MICAL1: variants seen among roughly 807,000 people sequenced by gnomAD.
MICAL1 encodes the protein [F-actin]-monooxygenase MICAL1.
A neutral mutation model predicts 131.8 loss-of-function variants in MICAL1; 95 were observed. The observed-to-expected ratio is 0.72, with a 90% CI of 0.61 to 0.86. The LOEUF (loss-of-function observed/expected upper bound fraction) is 0.86, where lower values mean the gene tolerates loss of function less well. Among genes scored for constraint, MICAL1 ranks in the 40% least tolerant of loss-of-function variants. The pLI, the probability that MICAL1 is intolerant of heterozygous loss-of-function variation, is 0.00. For missense variants in MICAL1, 1,292 were observed against 1,380.6 expected, an observed-to-expected ratio of 0.94 and a Z score of 1.02; for synonymous variants, 546 against 554.2, an observed-to-expected ratio of 0.99 and a Z score of 0.21.
intron 12 of MICAL1, 152 bp downstream of exon 12, chr6:109,448,580 G>A (rs1286035751): frequency 2.3e-6 from 3 of 1,326,416 alleles, no homozygotes; most frequent in Admixed American, 1.8e-5. Context: ...GGGGGCCTGT[G>A]CCATTCACAA....
chr6:109,463,736 G>GA (rs1221060519), intron 1 of MICAL1: 1 of 152,166 alleles, frequency 6.6e-6, no homozygotes, highest in African/African-American at 2.4e-5. Context: ...AGCTTAGTAT[G>GA]AAAAAGAGAA....
Position 109,444,720 on chromosome 6 carries a change from C to T in MICAL1, c.3055+5G>A. 4.3e-6 allele frequency: 7 copies of T among 1,614,104 alleles called. No homozygotes were observed. Among genetic ancestry groups the T allele is most frequent in the Non-Finnish European group, 5.9e-6 (7 of 1,180,022 alleles). On this transcript the variant is annotated splice_donor_5th_base_variant and intron_variant, in intron 24 of 24. Coordinates refer to ENST00000358807, the MANE Select transcript of MICAL1 (RefSeq NM_022765.4). The stretch of plus-strand genomic sequence containing the variant: ...TGTGTCTGCTTCTCCCCACATTTCA[C>T]CTACCTTCCCGGTTCATGTAGCCTC...
At chr6:109,461,432 CTAT>C (rs775663276) in intron 1 of MICAL1, among the ~76,000 whole-genome samples, 5 of 152,222 alleles carry the variant, frequency 3.3e-5, no homozygotes, top group Non-Finnish European at 7.4e-5. Context: ...ACTTTCACTA[CTAT>C]TGTTTTATGT....
At chr6:109,444,458 AT>A in intron 24 of MICAL1, 119 bp from the exon 25 acceptor site, 1 of 1,408,902 alleles carries the variant, frequency 7.1e-7, no homozygotes, top group South Asian at 1.3e-5. Context: ...AAGCTGCCAA[AT>A]TAGGAGGGTT....
At chr6:109,465,305 G>A (rs1776006490) in intron 1 of MICAL1, 2 of 270,650 alleles carry the variant, frequency 7.4e-6, no homozygotes, top group Non-Finnish European at 7.0e-6. Flanking sequence ...AAAACGTTGA[G>A]GGTTACTTTG....
In MICAL1 at chr6:109,451,719, G is replaced by A. The variant is rs762426115; in HGVS notation, c.833-19C>T. 6 of 1,613,194 alleles carry A rather than the reference G, an allele frequency of 3.7e-6. No individual in the cohort carries two copies. The highest frequency in any genetic ancestry group is 1.7e-5 in the Admixed American group (1 of 59,966). Reference sequence around the variant, plus strand: ...TCAATGCCTGGGGGTACAGGGCAGGGGACAGTAGATATGTCTCCTGATAAT... The same window carrying A: ...TCAATGCCTGGGGGTACAGGGCAGGAGACAGTAGATATGTCTCCTGATAAT... On this transcript the variant is annotated intron_variant, in intron 6 of 24. Coordinates refer to ENST00000358807, the MANE Select transcript of MICAL1 (RefSeq NM_022765.4).
chr6:109,452,220 G>A (rs1273278300), intron 6 of MICAL1, 26 bp downstream of exon 6: 1 of 1,596,180 alleles, frequency 6.3e-7, no homozygotes, highest in African/African-American at 1.3e-5. Flanking sequence ...CAGGGGGAGG[G>A]GAAATTCAGC....
intron 6 of MICAL1, 142 bp downstream of exon 6, chr6:109,452,104 G>A (rs1424911155): frequency 3.5e-6 from 5 of 1,444,880 alleles, no homozygotes; most frequent in East Asian, 2.4e-5. Flanking sequence ...TGAGGGGACA[G>A]GTTCCTTCTC....
intron 19 of MICAL1, 40 bp downstream of exon 19, chr6:109,446,096 T>G: frequency 8.4e-6 from 6 of 713,874 alleles, no homozygotes; most frequent in Non-Finnish European, 1.3e-5. Flanking sequence ...GCTCCCACCC[T>G]GTCCCACCCT....
At chr6:109,453,881 TGTCC>T (rs771913050) in intron 2 of MICAL1, 36 bp from the exon 3 acceptor site, 5 of 1,610,510 alleles carry the variant, frequency 3.1e-6, no homozygotes, top group Non-Finnish European at 4.2e-6. Flanking sequence ...CATGGCATCC[TGTCC>T]GTCCTCTGAC....
At chr6:109,460,891 A>C (rs1775870831) in intron 1 of MICAL1, among the ~76,000 whole-genome samples, 1 of 152,202 alleles carries the variant, frequency 6.6e-6, no homozygotes, top group Admixed American at 6.5e-5. Flanking sequence ...GCTCACTTAC[A>C]GAGGCTCCTG....
chr6:109,449,898 C>T, intron 9 of MICAL1, 72 bp downstream of exon 9: 1 of 1,591,686 alleles, frequency 6.3e-7, no homozygotes, highest in Non-Finnish European at 8.6e-7. Context: ...ATTCACTCAG[C>T]ACCCCTGCCC....
chr6:109,448,552 G>A (rs746906545), intron 12 of MICAL1, 159 bp from the exon 13 acceptor site: 79 of 1,248,892 alleles, frequency 6.3e-5, no homozygotes, highest in Non-Finnish European at 7.7e-5. Flanking sequence ...CCAACCCAGT[G>A]ACACTACTCC....
rs775223177 is a variant in MICAL1, at chr6:109,453,929, G to A, written c.258+10C>T. 3.7e-5 allele frequency: 59 copies of A among 1,611,888 alleles called. No homozygotes were observed. The highest frequency in any genetic ancestry group is 1.2e-4 in the African/African-American group (9 of 74,904). ...TGCTCCACACCCCATCCCAGGCACC[G>A]TGTATCCACCTTGGTGCTGGTGCAG... On this transcript the variant is annotated intron_variant, in intron 2 of 24. Coordinates refer to ENST00000358807, the MANE Select transcript of MICAL1 (RefSeq NM_022765.4).
chr6:109,460,100 A>ACAT (rs1775848899), upstream of MICAL1, among the ~76,000 whole-genome samples: 1 of 151,720 alleles, frequency 6.6e-6, no homozygotes, highest in Non-Finnish European at 1.5e-5. Flanking sequence ...TTTCAGACTC[A>ACAT]TAAAAAAGCT....
At chr6:109,462,861 A>T (rs1407142130) in intron 1 of MICAL1, 1 of 152,208 alleles carries the variant, frequency 6.6e-6, no homozygotes, top group Non-Finnish European at 1.5e-5. Context: ...TTTCTGTTAA[A>T]ACAATTTAAA....
Position 109,450,411 on chromosome 6 carries a change from A to T in MICAL1, c.1080T>A (p.Asp360Glu), listed in dbSNP as rs755564118. Residue 360 changes from aspartate (D) to glutamate (E), a missense_variant, in exon 8 of 25, where the codon GAT becomes GAA. By Grantham distance (45) the Asp-to-Glu change is conservative. Coordinates refer to ENST00000358807, the MANE Select transcript of MICAL1 (RefSeq NM_022765.4). ...EFAQDAHGQP[D>E]VSAFDFTSMM... ...TGCTCGTGAAGTCAAAGGCAGAGAC[A>T]TCAGGCTGCCCATGGGCATCCTGGG... 1 of 1,613,476 alleles carries T rather than the reference A, an allele frequency of 6.2e-7. No individual in the cohort carries two copies. Among genetic ancestry groups the T allele is most frequent in the African/African-American group, 1.3e-5 (1 of 74,942 alleles).
Position 109,448,097 on chromosome 6 carries a change from G to GACACAC in MICAL1, c.1855+100_1855+105dup, listed in dbSNP as rs377004839. 3.7e-3 allele frequency: 4,227 copies of GACACAC among 1,130,296 alleles called. 53 individuals are homozygous for GACACAC. The East Asian group carries it at 0.099, about 26-fold the overall frequency. The allele number at this position is 1,130,296 out of a possible 1,614,324, so 70.0% of individuals were successfully genotyped here. ...CAGAGGGCGCCTTCTTCCTCTTTCT[G>GACACAC]ACACACACACACACACACACCGCCT... On this transcript the variant is annotated intron_variant, in intron 13 of 24. Coordinates refer to ENST00000358807, the MANE Select transcript of MICAL1 (RefSeq NM_022765.4).
Position 109,452,360 on chromosome 6 carries a change from TG to T in MICAL1, c.717del (p.Ile240SerfsTer6). On this transcript the variant is annotated frameshift_variant, in exon 6 of 25. Transcript: ENST00000358807. LOFTEE classifies it high-confidence loss of function. ...VREMRGKLAIGITANFVNGRT... is the reference protein window; with the variant it reads ...VREMRGKLAIXITANFVNGRT... ...CGTCCATTCACAAAGTTGGCTGTGA[TG>T]CCAATGGCCAGTTTGCCTCGCATTT... 1 of 1,614,196 alleles carries T rather than the reference TG, an allele frequency of 6.2e-7. No homozygotes were observed. The highest frequency in any genetic ancestry group is 8.5e-7 in the Non-Finnish European group (1 of 1,180,032).
Sources: allele counts gnomAD v4.1 joint callset (sites outside exome capture counted in the v4.1 genomes callset), GRCh38; gene constraint gnomAD v4.1.1; transcripts MANE v1.5; gene names NCBI Gene and HGNC (gene_info 2026-07-23, HGNC 2026-07-21).